The following SEMA3B variants were observed in gnomAD, a reference collection of about 807,000 sequenced individuals.
The protein encoded by SEMA3B is semaphorin-3B.
SEMA3B carries 71 observed loss-of-function variants against 77.8 expected under a neutral mutation model. That is an observed-to-expected ratio of 0.91 (90% CI 0.75 to 1.11). SEMA3B has a LOEUF of 1.11. SEMA3B is among the 50% of genes most tolerant of loss of function. SEMA3B has a pLI of 0.00. For synonymous variants in SEMA3B, 470 were observed against 452.9 expected, an observed-to-expected ratio of 1.04 and a Z score of -0.48; for missense variants, 968 against 1,056.8, an observed-to-expected ratio of 0.92 and a Z score of 1.17.
Position 50,276,799 on chromosome 3 carries a change from C to T in SEMA3B, c.*93C>T, listed in dbSNP as rs1020208057. 2.1e-5 allele frequency: 29 copies of T among 1,365,908 alleles called. No individual in the cohort carries two copies. Among genetic ancestry groups the T allele is most frequent in the Non-Finnish European group, 2.8e-5 (29 of 1,053,126 alleles). The allele number at this position is 1,365,908 out of a possible 1,614,324, so 84.6% of individuals were successfully genotyped here. The stretch of plus-strand genomic sequence containing the variant: ...AAAAGAAGGACGGGTTGGGGCCGGG[C>T]ACATTGGGGGTCACCGGCCGATGGA... On this transcript the variant is annotated 3_prime_UTR_variant, in exon 17 of 17. Coordinates refer to ENST00000616701, the MANE Select transcript of SEMA3B (RefSeq NM_001290060.2). This position sits in a 1 kb window ranked among gnomAD's most constrained non-coding sequence, Gnocchi z 5.8.
upstream of SEMA3B, among the ~76,000 whole-genome samples, chr3:50,267,104 A>G (rs1426268326): frequency 6.6e-6 from 1 of 152,110 alleles, no homozygotes; most frequent in Non-Finnish European, 1.5e-5. The surrounding 1 kb of genome is among the most constrained non-coding windows in gnomAD (Gnocchi z 5.7). Context: ...TGGCCAGGCC[A>G]CTGAAGTACT....
Position 50,270,233 on chromosome 3 carries a change from G to A in SEMA3B, c.216G>A (p.Glu72=). ...GTGGACGCCTGTTTGTGGGTGCCGA[G>A]AACCATGTGGCCTCCCTCAACCTGG... ...EERGRLFVGA[E]NHVASLNLDN... Residue 72 remains glutamate (E), a synonymous_variant, in exon 2 of 17, where the codon GAG becomes GAA. Coordinates refer to ENST00000616701, the MANE Select transcript of SEMA3B (RefSeq NM_001290060.2). This position sits in a 1 kb window ranked among gnomAD's most constrained non-coding sequence, Gnocchi z 4.7. The A allele has an allele frequency of 1.9e-6, 3 of 1,612,800 alleles. No individual in the cohort carries two copies. Among genetic ancestry groups the A allele is most frequent in the Non-Finnish European group, 2.5e-6 (3 of 1,179,586 alleles).
rs587593593 is a variant in SEMA3B, at chr3:50,273,800, C to T, written c.964C>T (p.Leu322=). Residue 322 remains leucine, a synonymous_variant, in exon 9 of 17, where the codon CTG becomes TTG. Coordinates refer to ENST00000616701, the MANE Select transcript of SEMA3B (RefSeq NM_001290060.2). The surrounding 1 kb of genome is among the most constrained non-coding windows in gnomAD (Gnocchi z 6.5). Reference sequence around the variant, plus strand: ...GTCCTCGCGGGACCACCGGACCCCGCTGCTCTATGCCGTCTTCTCCACGTC... The same window carrying T: ...GTCCTCGCGGGACCACCGGACCCCGTTGCTCTATGCCGTCTTCTCCACGTC... ...LLSSRDHRTP[L]LYAVFSTSSS... 6.3e-7 allele frequency: 1 copy of T among 1,587,610 alleles called. No homozygotes were observed. Among genetic ancestry groups the T allele is most frequent in the South Asian group, 1.1e-5 (1 of 88,172 alleles).
At position 50,271,607 on chromosome 3, in the gene SEMA3B, G is replaced by T. The variant is rs910795615; in HGVS notation, c.664+127G>T. ...CTTACCAAATACCCTCCTTAATCAG[G>T]CACTGGCGTCACAGAGACAGACAAG... On this transcript the variant is annotated intron_variant, in intron 6 of 16. Transcript: ENST00000616701. The T allele has an allele frequency of 6.7e-6, 9 of 1,344,910 alleles. No individual in the cohort carries two copies. In the African/African-American group the frequency reaches 1.3e-4, roughly 20 times the overall value. The allele number at this position is 1,344,910 out of a possible 1,614,324, so 83.3% of individuals were successfully genotyped here. A position where few individuals can be genotyped will look rare whatever the true frequency, so the allele number is the denominator to read the frequency against.
At position 50,271,093 on chromosome 3, in the gene SEMA3B, CG is replaced by C. The variant is rs1559786193; in HGVS notation, c.457del (p.Val153SerfsTer9). On this transcript the variant is annotated frameshift_variant, in exon 5 of 17. Transcript: ENST00000616701. LOFTEE classifies it high-confidence loss of function. ...VEVGHRAEEPVLRLDPGRIED... is the reference protein window; with the variant it reads ...VEVGHRAEEPXLRLDPGRIED... The stretch of plus-strand genomic sequence containing the variant: ...CAACTTGCCACACCTCCCAGGAGCC[CG>C]TCCTCCGGCTGGACCCAGGAAGGAT... 1 of 1,579,226 alleles carries C rather than the reference CG, an allele frequency of 6.3e-7. No individual in the cohort carries two copies. The highest frequency in any genetic ancestry group is 8.6e-7 in the Non-Finnish European group (1 of 1,162,512).
In SEMA3B at chr3:50,273,727, C is replaced by T. The variant is rs1701125761; in HGVS notation, c.923-32C>T. On this transcript the variant is annotated intron_variant, in intron 8 of 16. Transcript: ENST00000616701. The surrounding 1 kb of genome is among the most constrained non-coding windows in gnomAD (Gnocchi z 6.5). ...GAGCCCCCGCCGCAGCGGGGCTGTG[C>T]GCCCTACCCCAGCTAGGCCCCTTCC... 3 of 1,603,986 alleles carry T rather than the reference C, an allele frequency of 1.9e-6. No homozygotes were observed. Among genetic ancestry groups the T allele is most frequent in the South Asian group, 1.1e-5 (1 of 90,884 alleles).
chr3:50,260,567 C>T, the SEMA3B span: 1 of 152,308 alleles, frequency 6.6e-6, no homozygotes, highest in Non-Finnish European at 1.5e-5. Context: ...AACCCAGGTC[C>T]CCGCCTTCTT....
At position 50,273,820 on chromosome 3, in the gene SEMA3B, C is replaced by G. The variant is rs1462196958; in HGVS notation, c.984C>G (p.Ser328=). ...CCCCGCTGCTCTATGCCGTCTTCTC[C>G]ACGTCCAGGTGAGGGGCAGGAGGTA... ...HRTPLLYAVF[S]TSSSIFQGSA... is the part of the protein sequence containing the mutation. Residue 328 remains serine, a synonymous_variant, in exon 9 of 17, where the codon TCC becomes TCG. Coordinates refer to ENST00000616701, the MANE Select transcript of SEMA3B (RefSeq NM_001290060.2). The surrounding 1 kb of genome is among the most constrained non-coding windows in gnomAD (Gnocchi z 6.5). The G allele has an allele frequency of 2.5e-6, 4 of 1,580,774 alleles. No homozygotes were observed. Among genetic ancestry groups the G allele is most frequent in the Non-Finnish European group, 3.4e-6 (4 of 1,163,830 alleles).
upstream of SEMA3B, chr3:50,268,755 C>T (rs1700965921): frequency 6.3e-6 from 1 of 159,506 alleles, no homozygotes; most frequent in African/African-American, 2.4e-5. Context: ...TTGTTTTGCT[C>T]ATTGCACTTG....
In SEMA3B at chr3:50,269,409, A is replaced by G; in HGVS notation, c.109+60A>G. The G allele has an allele frequency of 9.8e-7, 1 of 1,019,670 alleles. No homozygotes were observed. Among genetic ancestry groups the G allele is most frequent in the South Asian group, 1.7e-5 (1 of 60,122 alleles). 63.2% of individuals were successfully genotyped at this position (1,019,670 alleles called of 1,614,324 possible). ...GAGGTGGGCAGGAAAGGGTCCCCGT[A>G]TGGCCAGGGGGCTCTGTGTTGGCTG... On this transcript the variant is annotated intron_variant, in intron 1 of 16. Transcript: ENST00000616701. The surrounding 1 kb of genome is among the most constrained non-coding windows in gnomAD (Gnocchi z 4.0).
Position 50,277,003 on chromosome 3 carries a change from G to T in SEMA3B, c.*297G>T, listed in dbSNP as rs1701280425. 1 of 407,024 alleles carries T rather than the reference G, an allele frequency of 2.5e-6. No homozygotes were observed. Among genetic ancestry groups the T allele is most frequent in the Non-Finnish European group, 4.4e-6 (1 of 229,670 alleles). 25.2% of individuals were successfully genotyped at this position (407,024 alleles called of 1,614,324 possible). A position where few individuals can be genotyped will look rare whatever the true frequency, so the allele number is the denominator to read the frequency against. On this transcript the variant is annotated 3_prime_UTR_variant, in exon 17 of 17. Coordinates refer to ENST00000616701, the MANE Select transcript of SEMA3B (RefSeq NM_001290060.2). ...GACCAGGGCCGAGGAGGTGCCTGGA[G>T]TGCCCACCCTGGGAGACAGACCCCA...
rs1553705355 is a variant in SEMA3B at position 50,271,368 on chromosome 3, G to C, written c.552G>C (p.Glu184Asp). ...HRAASVLVGEELYSGVAADLM... is the reference protein window; with the variant it reads ...HRAASVLVGEDLYSGVAADLM... ...CCCTTGCTCTGTCTGCAGGGGAGGA[G>C]CTATACTCAGGGGTGGCAGCAGACC... Residue 184 changes from glutamate to aspartate, a missense_variant, in exon 6 of 17, where the codon GAG (glutamate) becomes GAC (aspartate). Glu to Asp is a conservative substitution (Grantham distance 45). Transcript: ENST00000616701. 1 of 1,577,688 alleles carries C rather than the reference G, an allele frequency of 6.3e-7. No homozygotes were observed. Among genetic ancestry groups the C allele is most frequent in the Admixed American group, 1.8e-5 (1 of 54,226 alleles).
chr3:50,269,955 C>T lies in SEMA3B; in HGVS notation c.110-172C>T, dbSNP rs189671546. Among the ~76,000 whole-genome samples the T allele has an allele frequency of 2.9e-4, 44 of 152,278 alleles. No homozygotes were observed. The highest frequency in any genetic ancestry group is 2.4e-3 in the Admixed American group (37 of 15,296). The stretch of plus-strand genomic sequence containing the variant: ...TACCACCTACCCTGGCAGCTCCACA[C>T]GTGCACCTGGGTGGGCTTGGGTTTG... On this transcript the variant is annotated intron_variant, in intron 1 of 16. Transcript: ENST00000616701. The surrounding 1 kb of genome is among the most constrained non-coding windows in gnomAD (Gnocchi z 4.0).
Position 50,273,256 on chromosome 3 carries a change from C to A in SEMA3B, c.665-42C>A. On this transcript the variant is annotated intron_variant, in intron 6 of 16. Transcript: ENST00000616701. The surrounding 1 kb of genome is among the most constrained non-coding windows in gnomAD (Gnocchi z 6.5). Reference sequence around the variant, plus strand: ...AGCGCGTGGGTCTCGCATCAGGAGGCAAGGCCAGGACCCGCTGACCCATGC... The same window carrying A: ...AGCGCGTGGGTCTCGCATCAGGAGGAAAGGCCAGGACCCGCTGACCCATGC... 1 of 1,590,016 alleles carries A rather than the reference C, an allele frequency of 6.3e-7. No individual in the cohort carries two copies. The highest frequency in any genetic ancestry group is 1.3e-5 in the African/African-American group (1 of 74,366).
chr3:50,271,251 C>G, intron 5 of SEMA3B, 70 bp downstream of exon 5: 14 of 1,545,776 alleles, frequency 9.1e-6, no homozygotes, highest in Non-Finnish European at 9.6e-6. Context: ...TCCCAAGACC[C>G]CCAAGAGCTC....
At chr3:50,265,984 T>A (rs147429858), upstream of SEMA3B, among the ~76,000 whole-genome samples, 117 of 152,204 alleles carry the variant, frequency 7.7e-4, no homozygotes, top group Non-Finnish European at 1.5e-3. Flanking sequence ...TCCTTTTGGC[T>A]GGGGGTTGAC....
chr3:50,271,090 G>C lies in SEMA3B; in HGVS notation c.453G>C (p.Glu151Asp), dbSNP rs782611422. 75 of 1,579,350 alleles carry C rather than the reference G, an allele frequency of 4.7e-5. 1 individual carries two copies. The South Asian group carries it at 8.3e-4, about 18-fold the overall frequency. Residue 151 changes from glutamate to aspartate, a missense_variant and splice_region_variant, in exon 5 of 17, where the codon GAG becomes GAC. Glu to Asp is a conservative substitution (Grantham distance 45). Transcript: ENST00000616701. ...AFVEVGHRAE[E>D]PVLRLDPGRI... is the part of the protein sequence containing the mutation. ...TCACAACTTGCCACACCTCCCAGGA[G>C]CCCGTCCTCCGGCTGGACCCAGGAA...
rs371815183 is a variant in SEMA3B, at chr3:50,271,100, C to T, written c.463C>T (p.Arg155Trp). 1,689 of 1,581,092 alleles carry T rather than the reference C, an allele frequency of 1.1e-3. 13 individuals carry two copies. The African/African-American group carries it at 0.015, about 14-fold the overall frequency. ...VGHRAEEPVL[R>W]LDPGRIEDGK... The stretch of plus-strand genomic sequence containing the variant: ...CCACACCTCCCAGGAGCCCGTCCTC[C>T]GGCTGGACCCAGGAAGGATAGAGGA... Residue 155 changes from arginine (R) to tryptophan (W), a missense_variant, in exon 5 of 17, where the codon CGG becomes TGG. Transcript: ENST00000616701.
Position 50,273,874 on chromosome 3 carries a change from C to T in SEMA3B, c.993-39C>T. The T allele has an allele frequency of 1.3e-6, 2 of 1,571,844 alleles. No homozygotes were observed. The highest frequency in any genetic ancestry group is 1.4e-5 in the African/African-American group (1 of 73,992). On this transcript the variant is annotated intron_variant, in intron 9 of 16. Coordinates refer to ENST00000616701, the MANE Select transcript of SEMA3B (RefSeq NM_001290060.2). The surrounding 1 kb of genome is among the most constrained non-coding windows in gnomAD (Gnocchi z 6.5). ...AGCGCCCGGGGCGGGCCGCTGGGCT[C>T]CACCCGGCCCCTCACCTCGCCCTGG... is the stretch of plus-strand genomic sequence containing the variant.
Sources: gnomAD v4.1 joint callset for allele counts (sites outside exome capture counted in the v4.1 genomes callset) on GRCh38, gnomAD v4.1.1 for gene constraint, Gnocchi (gnomAD v3.1) non-coding constraint, MANE v1.5 for transcripts, NCBI Gene and HGNC (gene_info 2026-07-23, HGNC 2026-07-21) for gene names.